Variants in PRMT8 observed in about 807,000 individuals in gnomAD.
PRMT8 encodes protein arginine N-methyltransferase 8.
A neutral mutation model predicts 47.1 loss-of-function variants in PRMT8; 7 were observed. That is an observed-to-expected ratio of 0.15 (90% CI 0.08 to 0.28). The LOEUF is 0.28. Among genes scored for constraint, PRMT8 ranks in the 10% least tolerant of loss-of-function variants. PRMT8 has a pLI of 1.00. For synonymous variants in PRMT8, 188 were observed against 186.5 expected (o/e 1.01, Z -0.07); for missense variants, 237 against 505.4 (o/e 0.47, Z 5.09).
chr12:3,465,075 A>G (rs927255148), intron 1 of PRMT8, among the ~76,000 whole-genome samples: 1 of 149,766 alleles, frequency 6.7e-6, no homozygotes, highest in Non-Finnish European at 1.5e-5. Context: ...AGATTGCACC[A>G]TGAGCCATTG....
intron 1 of PRMT8, among the ~76,000 whole-genome samples, chr12:3,383,500 T>G (rs1198540467): frequency 2.0e-5 from 3 of 152,230 alleles, no homozygotes; most frequent in African/African-American, 7.2e-5. Context: ...AGGTGGGGCC[T>G]CTGGGAGGCG....
chr12:3,527,422 A>C (rs1865964420), intron 1 of PRMT8, among the ~76,000 whole-genome samples: 1 of 152,174 alleles, frequency 6.6e-6, no homozygotes, highest in Non-Finnish European at 1.5e-5. Context: ...GCAAGATTTC[A>C]TCTTACTACT....
chr12:3,399,514 A>G (rs922944874), intron 1 of PRMT8, among the ~76,000 whole-genome samples: 5 of 152,126 alleles, frequency 3.3e-5, no homozygotes, highest in African/African-American at 1.2e-4. Context: ...TACTAAAATG[A>G]TGTGGTGGAA....
chr12:3,540,809 G>T lies in PRMT8; in HGVS notation c.261+18G>T, dbSNP rs754372661. The T allele has an allele frequency of 6.2e-7, 1 of 1,609,754 alleles. No homozygotes were observed. The highest frequency in any genetic ancestry group is 8.5e-7 in the Non-Finnish European group (1 of 1,177,410). ...TCCACGAGGTAAAGTGTCCCGAGTG[G>T]GTGGCTAATGGGGCGAGGCTGACTC... On this transcript the variant is annotated intron_variant, in intron 2 of 9. Coordinates refer to ENST00000382622, the MANE Select transcript of PRMT8 (RefSeq NM_019854.5).
chr12:3,553,274 C>T (rs1313969364), intron 3 of PRMT8: 3 of 283,454 alleles, frequency 1.1e-5, no homozygotes, highest in Admixed American at 4.8e-5. Context: ...TCGAGGGAGG[C>T]TCGCAACTCT....
intron 1 of PRMT8, among the ~76,000 whole-genome samples, chr12:3,428,196 G>A (rs887290647): frequency 1.3e-5 from 2 of 151,854 alleles, no homozygotes; most frequent in African/African-American, 4.8e-5. Context: ...AAACCTGCTG[G>A]GTTAAGGGAA....
chr12:3,487,007 T>C (rs1409386028), upstream of PRMT8, among the ~76,000 whole-genome samples: 1 of 152,200 alleles, frequency 6.6e-6, no homozygotes. Flanking sequence ...TAGGGAGGAA[T>C]AGGACCACAG....
chr12:3,536,847 T>C (rs1392516254), intron 1 of PRMT8, among the ~76,000 whole-genome samples: 1 of 152,234 alleles, frequency 6.6e-6, no homozygotes, highest in Non-Finnish European at 1.5e-5. Context: ...ACTCTTCCCA[T>C]AATACCTTTA....
intron 6 of PRMT8, among the ~76,000 whole-genome samples, chr12:3,575,857 A>G (rs1326468195): frequency 6.6e-6 from 1 of 152,088 alleles, no homozygotes; most frequent in Non-Finnish European, 1.5e-5. Context: ...CATCTCTACT[A>G]AAAATACAAA....
chr12:3,553,783 T>C, intron 4 of PRMT8, 69 bp downstream of exon 4: 1 of 1,419,202 alleles, frequency 7.0e-7, no homozygotes, highest in Non-Finnish European at 9.9e-7. Context: ...CTTGTTGGGA[T>C]GGCATAGCGG....
At chr12:3,475,775 C>T (rs1407251879) in intron 1 of PRMT8, among the ~76,000 whole-genome samples, 8 of 148,534 alleles carry the variant, frequency 5.4e-5, no homozygotes, top group African/African-American at 7.5e-5. Flanking sequence ...TGGGGGGCCT[C>T]GGCTGCTGAT....
At chr12:3,490,551 G>GC (rs1323743890), upstream of PRMT8, among the ~76,000 whole-genome samples, 2 of 150,238 alleles carry the variant, frequency 1.3e-5, no homozygotes, top group African/African-American at 2.5e-5. Context: ...TGGAGTGGGG[G>GC]GGGGGGCACT....
chr12:3,465,204 T>A (rs1243361690), intron 1 of PRMT8, among the ~76,000 whole-genome samples: 1 of 144,106 alleles, frequency 6.9e-6, no homozygotes, highest in Non-Finnish European at 1.5e-5. Context: ...ATAAATATAT[T>A]TTTATATATA....
upstream of PRMT8, among the ~76,000 whole-genome samples, chr12:3,486,208 A>G (rs2137105163): frequency 6.6e-6 from 1 of 152,232 alleles, no homozygotes; most frequent in East Asian, 1.9e-4. Flanking sequence ...GAGGCCCTAC[A>G]GCCTCCAGGG....
chr12:3,394,635 G>A (rs1029879342), intron 1 of PRMT8, among the ~76,000 whole-genome samples: 10 of 152,046 alleles, frequency 6.6e-5, no homozygotes, highest in African/African-American at 9.7e-5. Context: ...GAGGATTTTT[G>A]CATCAATGTT....
chr12:3,411,462 A>G (rs1460812285), intron 1 of PRMT8, among the ~76,000 whole-genome samples: 1 of 152,196 alleles, frequency 6.6e-6, no homozygotes, highest in Admixed American at 6.5e-5. Context: ...CAACCTAGCC[A>G]GTACATACTG....
intron 7 of PRMT8, among the ~76,000 whole-genome samples, chr12:3,581,131 A>G (rs1479022708): frequency 1.3e-5 from 2 of 152,200 alleles, no homozygotes; most frequent in Admixed American, 6.5e-5. Flanking sequence ...GTATGTGCCA[A>G]TGGAAGGACG....
upstream of PRMT8, among the ~76,000 whole-genome samples, chr12:3,489,817 A>ACACACACACACACG (rs1344582238): frequency 7.1e-6 from 1 of 140,900 alleles, no homozygotes; most frequent in Non-Finnish European, 1.5e-5. Context: ...TCACACACAC[A>ACACACACACACACG]CACACACACA....
intron 1 of PRMT8, among the ~76,000 whole-genome samples, chr12:3,536,489 C>G (rs945408740): frequency 6.6e-6 from 1 of 152,208 alleles, no homozygotes; most frequent in Non-Finnish European, 1.5e-5. Flanking sequence ...TGAATGACAG[C>G]TTATGGGTGC....
Sources: gnomAD v4.1 joint callset for allele counts (sites outside exome capture counted in the v4.1 genomes callset) on GRCh38, gnomAD v4.1.1 for gene constraint, MANE v1.5 for transcripts, NCBI Gene and HGNC (gene_info 2026-07-23, HGNC 2026-07-21) for gene names.